The following PRSS55 variants were observed in gnomAD, a reference collection of about 807,000 sequenced individuals.
PRSS55 encodes the protein serine protease 55.
A neutral mutation model predicts 23.6 loss-of-function variants in PRSS55; 41 were observed. That is an observed-to-expected ratio of 1.74 (90% CI 1.35 to 2.26). PRSS55 has a LOEUF of 2.26. Ranked by LOEUF, PRSS55 falls within the 30% of genes most tolerant of loss-of-function variation. The pLI is 0.00. For missense variants in PRSS55, 669 were observed against 439.1 expected, an observed-to-expected ratio of 1.52 and a Z score of -4.68; for synonymous variants, 262 against 175.5, an observed-to-expected ratio of 1.49 and a Z score of -3.90.
intron 4 of PRSS55, among the ~76,000 whole-genome samples, chr8:10,536,531 T>A (rs969167495): frequency 2.0e-5 from 3 of 152,158 alleles, no homozygotes; most frequent in Non-Finnish European, 2.9e-5. Context: ...CCGAAAGGAA[T>A]ATAAATTATT....
At chr8:10,549,192 G>A (rs1334847938) in intron 4 of PRSS55, among the ~76,000 whole-genome samples, 1 of 152,218 alleles carries the variant, frequency 6.6e-6, no homozygotes, top group Non-Finnish European at 1.5e-5. Flanking sequence ...GGCGGGGGCA[G>A]ATGAAGGATG....
chr8:10,545,046 T>A, intron 4 of PRSS55: 1 of 983,662 alleles, frequency 1.0e-6, no homozygotes, highest in Non-Finnish European at 1.2e-6. Context: ...CCTGTGCTTC[T>A]CAGACCATCT....
At chr8:10,541,882 C>G (rs950559028), downstream of PRSS55, among the ~76,000 whole-genome samples, 3 of 152,154 alleles carry the variant, frequency 2.0e-5, no homozygotes, top group African/African-American at 7.2e-5. Flanking sequence ...TCTCTAATAG[C>G]TGAGTCCCAG....
chr8:10,551,497 C>T (rs780979299), intron 4 of PRSS55, among the ~76,000 whole-genome samples: 1 of 152,164 alleles, frequency 6.6e-6, no homozygotes, highest in Non-Finnish European at 1.5e-5. Flanking sequence ...ACGTGCAGCA[C>T]AGGTGGAGGC....
At chr8:10,541,396 G>A (rs1812652155), downstream of PRSS55, 2 of 152,210 alleles carry the variant, frequency 1.3e-5, no homozygotes, top group South Asian at 2.1e-4. Flanking sequence ...CACACAAGAG[G>A]GAATTCCTCA....
intron 4 of PRSS55, among the ~76,000 whole-genome samples, chr8:10,549,250 A>G (rs1812897798): frequency 6.6e-6 from 1 of 152,194 alleles, no homozygotes; most frequent in Non-Finnish European, 1.5e-5. Flanking sequence ...TGCAGCGGCC[A>G]TGGCCGCGGA....
intron 4 of PRSS55, 77 bp from the exon 5 acceptor site, chr8:10,538,399 C>T: frequency 8.6e-7 from 1 of 1,157,286 alleles, no homozygotes; most frequent in Non-Finnish European, 1.2e-6. Context: ...AGGAATCTTC[C>T]ATGAATGAGC....
At chr8:10,543,705 G>A (rs1409348659), downstream of PRSS55, among the ~76,000 whole-genome samples, 1 of 116,938 alleles carries the variant, frequency 8.6e-6, no homozygotes, top group South Asian at 3.7e-4. Context: ...CTGCTTTAGT[G>A]CATCACATAT....
intron 4 of PRSS55, among the ~76,000 whole-genome samples, chr8:10,545,731 G>C (rs1812800492): frequency 6.6e-6 from 1 of 152,220 alleles, no homozygotes; most frequent in East Asian, 1.9e-4. Flanking sequence ...AGACTGTAGA[G>C]ACATGTGTTA....
intron 4 of PRSS55, among the ~76,000 whole-genome samples, chr8:10,535,979 G>A (rs559324689): frequency 6.6e-6 from 1 of 152,320 alleles, no homozygotes; most frequent in South Asian, 2.1e-4. Context: ...GAGGTCAGGA[G>A]ATCAAGACCA....
At chr8:10,535,961 C>T (rs1428425251) in intron 4 of PRSS55, among the ~76,000 whole-genome samples, 3 of 152,194 alleles carry the variant, frequency 2.0e-5, no homozygotes, top group East Asian at 1.9e-4. Flanking sequence ...CCAAGACCGG[C>T]GGATCACGAG....
downstream of PRSS55, among the ~76,000 whole-genome samples, chr8:10,541,766 T>C (rs184625446): frequency 2.2e-4 from 33 of 152,250 alleles, no homozygotes; most frequent in East Asian, 4.3e-3. Flanking sequence ...CTGTTTCACT[T>C]TTCTTTTTTT....
At chr8:10,531,661 G>A in intron 3 of PRSS55, 116 bp downstream of exon 3, 2 of 1,446,468 alleles carry the variant, frequency 1.4e-6, no homozygotes, top group Admixed American at 4.2e-5. Context: ...CCCGCTCAGT[G>A]GAGTCTCACA....
At chr8:10,533,473 C>G (rs1202533578) in intron 4 of PRSS55, among the ~76,000 whole-genome samples, 2 of 152,188 alleles carry the variant, frequency 1.3e-5, no homozygotes, top group African/African-American at 4.8e-5. Flanking sequence ...CCTACAGTTT[C>G]CTGGACAGGC....
In PRSS55 at chr8:10,545,041, G is replaced by T. The variant is rs1285645170; in HGVS notation, c.742-8902G>T. On this transcript the variant is annotated intron_variant, in intron 4 of 4. Coordinates refer to the PRSS55 transcript ENST00000522210. ...ACAGGACATGGTGGCCTGCACCTGT[G>T]CTTCTCAGACCATCTGTGAGGAAAA... 5.1e-6 allele frequency: 5 copies of T among 984,194 alleles called. No individual in the cohort carries two copies. The African/African-American group carries it at 8.7e-5, about 17-fold the overall frequency. 61.0% of individuals were successfully genotyped at this position (984,194 alleles called of 1,614,324 possible). A position where few individuals can be genotyped will look rare whatever the true frequency, so the allele number is the denominator to read the frequency against.
intron 4 of PRSS55, among the ~76,000 whole-genome samples, chr8:10,547,084 G>C (rs1812836028): frequency 1.3e-5 from 2 of 152,180 alleles, no homozygotes; most frequent in Non-Finnish European, 2.9e-5. Context: ...ACCACGCTCT[G>C]GCTTCACGGA....
At chr8:10,541,074 G>A (rs1028885040), downstream of PRSS55, 1 of 152,584 alleles carries the variant, frequency 6.6e-6, no homozygotes, top group Non-Finnish European at 1.5e-5. Flanking sequence ...CCACAGGGAT[G>A]GGAGCAGCAA....
intron 4 of PRSS55, 91 bp from the exon 5 acceptor site, chr8:10,538,385 G>A: frequency 9.8e-7 from 1 of 1,023,060 alleles, no homozygotes; most frequent in Non-Finnish European, 1.4e-6. Context: ...AGTTGGGGAG[G>A]CTGAGGAATC....
intron 4 of PRSS55, among the ~76,000 whole-genome samples, chr8:10,546,493 C>A (rs1002792731): frequency 3.9e-5 from 6 of 152,146 alleles, no homozygotes; most frequent in Non-Finnish European, 5.9e-5. Flanking sequence ...TCTGCAGTAA[C>A]AAGGCATCCA....
Sources: gnomAD v4.1 joint callset for allele counts (sites outside exome capture counted in the v4.1 genomes callset) on GRCh38, gnomAD v4.1.1 for gene constraint, MANE v1.5 for transcripts, NCBI Gene and HGNC (gene_info 2026-07-23, HGNC 2026-07-21) for gene names.